Variants in C9orf85 observed in about 807,000 individuals in gnomAD.
C9orf85 encodes chromosome 9 open reading frame 85, also known as uncharacterized protein C9orf85.
C9orf85 carries 16 observed loss-of-function variants against 14.9 expected under a neutral mutation model. The ratio of observed to expected loss-of-function variants is 1.08; its 90% confidence interval spans 0.73 to 1.63. C9orf85 has a LOEUF of 1.63. Among genes scored for constraint, C9orf85 ranks in the 40% most tolerant of loss-of-function variants. The probability of loss-of-function intolerance (pLI) is 0.00; values close to 1 mark genes in which losing one functional copy is unlikely to be tolerated. For missense variants in C9orf85, 172 were observed against 186.1 expected (o/e 0.92, Z 0.44); for synonymous variants, 45 against 56.8 (o/e 0.79, Z 0.93).
In C9orf85 at chr9:71,980,755, TAC is replaced by T. The variant is rs140938275; in HGVS notation, c.324-1897_324-1896del. ...CTATTTAGAAGTGTAACTAAACAGT[TAC>T]ACACTGTTTAAAAATAAGTTTCTCC... is the stretch of plus-strand genomic sequence containing the variant. On this transcript the variant is annotated intron_variant, in intron 3 of 3. Coordinates refer to the C9orf85 transcript ENST00000377031. Among the ~76,000 whole-genome samples, 174 of 152,272 alleles carry T rather than the reference TAC, an allele frequency of 1.1e-3. 2 individuals carry two copies. The East Asian group carries it at 0.029, about 25-fold the overall frequency.
chr9:71,973,053 G>A lies in C9orf85; in HGVS notation c.*211G>A. The A allele has an allele frequency of 4.2e-6, 1 of 235,548 alleles. No homozygotes were observed. Among genetic ancestry groups the A allele is most frequent in the South Asian group, 9.7e-5 (1 of 10,354 alleles). 14.6% of individuals were successfully genotyped at this position (235,548 alleles called of 1,614,324 possible). A position where few individuals can be genotyped will look rare whatever the true frequency, so the allele number is the denominator to read the frequency against. On this transcript the variant is annotated 3_prime_UTR_variant, in exon 4 of 4. Transcript: ENST00000334731. Reference sequence around the variant, plus strand: ...CCAGCTACTCAGGAGGCTGAGGCAGGAGGATTGCTTGAACCCTGGAGGCGG... The same window carrying A: ...CCAGCTACTCAGGAGGCTGAGGCAGAAGGATTGCTTGAACCCTGGAGGCGG...
In C9orf85 at chr9:71,936,277, C is replaced by T. The variant is rs189636526; in HGVS notation, c.103-10729C>T. On this transcript the variant is annotated intron_variant, in intron 1 of 3. Transcript: ENST00000334731. ...GGGACATAGTTTTGGATGTAATCTT[C>T]GTTGAGCTCATTGCTGAGGCTGTAG... Among the ~76,000 whole-genome samples the T allele has an allele frequency of 9.7e-4, 148 of 152,138 alleles. 1 individual carries two copies. Among genetic ancestry groups the T allele is most frequent in the African/African-American group, 3.4e-3 (142 of 41,524 alleles).
At chr9:71,935,571 C>T (rs888831246) in intron 1 of C9orf85, among the ~76,000 whole-genome samples, 2 of 150,846 alleles carry the variant, frequency 1.3e-5, no homozygotes, top group African/African-American at 4.9e-5. Context: ...ACAAGAGGAT[C>T]ACTTGAGGCC....
At chr9:71,961,204 C>T (rs775010842) in intron 2 of C9orf85, among the ~76,000 whole-genome samples, 1 of 152,004 alleles carries the variant, frequency 6.6e-6, no homozygotes, top group Non-Finnish European at 1.5e-5. Context: ...TAAGCCACCA[C>T]GCCTGGCCTC....
At chr9:71,943,509 T>C (rs1320991374) in intron 1 of C9orf85, among the ~76,000 whole-genome samples, 3 of 152,054 alleles carry the variant, frequency 2.0e-5, no homozygotes, top group Non-Finnish European at 4.4e-5. Flanking sequence ...TTCTTGGGAG[T>C]TGAAGTCCTT....
chr9:71,914,096 G>T (rs1466250024), intron 1 of C9orf85, among the ~76,000 whole-genome samples: 1 of 152,134 alleles, frequency 6.6e-6, no homozygotes, highest in African/African-American at 2.4e-5. Context: ...GCTATGAGTA[G>T]CCATCTAAAG....
chr9:71,912,638 T>C (rs978724726), intron 1 of C9orf85, among the ~76,000 whole-genome samples: 3 of 151,558 alleles, frequency 2.0e-5, no homozygotes, highest in Non-Finnish European at 4.4e-5. Flanking sequence ...TCTCAGCACT[T>C]TGGGAGGCCG....
chr9:71,911,734 G>A lies in C9orf85; in HGVS notation c.-1G>A. 6.2e-7 allele frequency: 1 copy of A among 1,614,036 alleles called. No homozygotes were observed. The highest frequency in any genetic ancestry group is 1.3e-5 in the African/African-American group (1 of 75,028). ...GGCGAGGGGTGGCTTTGATTTCGGCGATGAGCTCCCAGAAAGGCAACGTGG... is the reference window on the plus strand; with the variant it reads ...GGCGAGGGGTGGCTTTGATTTCGGCAATGAGCTCCCAGAAAGGCAACGTGG... On this transcript the variant is annotated 5_prime_UTR_variant, in exon 1 of 4. Coordinates refer to ENST00000334731, the MANE Select transcript of C9orf85 (RefSeq NM_182505.5).
chr9:71,959,215 G>GC (rs1370554930), intron 2 of C9orf85, among the ~76,000 whole-genome samples: 1 of 150,810 alleles, frequency 6.6e-6, no homozygotes, highest in Non-Finnish European at 1.5e-5. Context: ...TCGGCTCACT[G>GC]CAACCTCTGC....
chr9:71,971,461 C>T (rs1822860238), intron 2 of C9orf85, 44 bp from the exon 3 acceptor site: 1 of 1,179,686 alleles, frequency 8.5e-7, no homozygotes, highest in African/African-American at 1.6e-5. Context: ...TCAAATAAGT[C>T]TGAAATAAAC....
chr9:71,937,327 C>T (rs1001181795), intron 1 of C9orf85, among the ~76,000 whole-genome samples: 3 of 152,116 alleles, frequency 2.0e-5, no homozygotes, highest in Non-Finnish European at 4.4e-5. Flanking sequence ...CGGTAGTTTG[C>T]TTGGTTGCTG....
At chr9:71,983,359 G>C (rs1823141867), downstream of C9orf85, 7 of 152,172 alleles carry the variant, frequency 4.6e-5, no homozygotes, top group Admixed American at 4.6e-4. Flanking sequence ...TGTCTATTCA[G>C]ATGTGTTGCC....
intron 1 of C9orf85, among the ~76,000 whole-genome samples, chr9:71,937,711 A>T (rs1009097052): frequency 1.3e-5 from 2 of 152,182 alleles, no homozygotes; most frequent in Non-Finnish European, 2.9e-5. Context: ...TTCAGAGAAT[A>T]TTATTTTAGC....
chr9:71,950,588 T>G (rs1822219609), intron 2 of C9orf85, among the ~76,000 whole-genome samples: 1 of 152,190 alleles, frequency 6.6e-6, no homozygotes, highest in Non-Finnish European at 1.5e-5. Context: ...GCCAGGCTGA[T>G]CTTGAACTCT....
At chr9:71,928,685 G>A (rs1310956827) in intron 1 of C9orf85, among the ~76,000 whole-genome samples, 1 of 152,034 alleles carries the variant, frequency 6.6e-6, no homozygotes, top group Non-Finnish European at 1.5e-5. Context: ...TTATAAGTTA[G>A]AATATCAATA....
intron 1 of C9orf85, among the ~76,000 whole-genome samples, chr9:71,915,958 G>T (rs191709934): frequency 3.9e-5 from 6 of 152,302 alleles, no homozygotes; most frequent in Non-Finnish European, 7.3e-5. Flanking sequence ...ATTCCTGTCT[G>T]TATTCCACAT....
chr9:71,976,546 C>T (rs1822999854), downstream of C9orf85, among the ~76,000 whole-genome samples: 1 of 151,764 alleles, frequency 6.6e-6, no homozygotes, highest in African/African-American at 2.4e-5. Context: ...CCTGTAGTCC[C>T]AGCTACTTGC....
intron 1 of C9orf85, among the ~76,000 whole-genome samples, chr9:71,925,381 A>C (rs1435390286): frequency 1.3e-5 from 2 of 152,224 alleles, no homozygotes; most frequent in African/African-American, 4.8e-5. Context: ...TTAGCCATGC[A>C]TGTTGGTACA....
At chr9:71,914,640 A>G (rs1436842369) in intron 1 of C9orf85, among the ~76,000 whole-genome samples, 1 of 152,222 alleles carries the variant, frequency 6.6e-6, no homozygotes, top group Admixed American at 6.5e-5. Context: ...CACAGATGAT[A>G]GCTTTCTTTA....
Sources: gnomAD v4.1 joint callset for allele counts (sites outside exome capture counted in the v4.1 genomes callset) on GRCh38, gnomAD v4.1.1 for gene constraint, MANE v1.5 for transcripts, NCBI Gene and HGNC (gene_info 2026-07-23, HGNC 2026-07-21) for gene names.